PTBP2: variants seen among roughly 807,000 people sequenced by gnomAD.
The protein encoded by PTBP2 is polypyrimidine tract binding protein 2.
A neutral mutation model predicts 61.4 loss-of-function variants in PTBP2; 13 were observed. The observed-to-expected ratio is 0.21, with a 90% CI of 0.14 to 0.34. The LOEUF (loss-of-function observed/expected upper bound fraction) is 0.34. PTBP2 is among the 10% of genes least tolerant of loss of function. The probability of loss-of-function intolerance (pLI) is 1.00; values close to 1 mark genes in which losing one functional copy is unlikely to be tolerated. For missense variants in PTBP2, 405 were observed against 642.6 expected (o/e 0.63, Z 4.00); for synonymous variants, 215 against 218.5 (o/e 0.98, Z 0.14).
At chr1:96,804,502 T>C (rs1363519063) in intron 8 of PTBP2, among the ~76,000 whole-genome samples, 1 of 152,166 alleles carries the variant, frequency 6.6e-6, no homozygotes, top group East Asian at 1.9e-4. Flanking sequence ...GGAATTATAT[T>C]TTTCATGCTT....
At chr1:96,777,365 C>T (rs1219742623) in intron 5 of PTBP2, among the ~76,000 whole-genome samples, 1 of 152,006 alleles carries the variant, frequency 6.6e-6, no homozygotes, top group Non-Finnish European at 1.5e-5. Context: ...GATCCCAAAG[C>T]CTGGATAATT....
intron 8 of PTBP2, among the ~76,000 whole-genome samples, chr1:96,789,092 T>A (rs939273543): frequency 7.2e-5 from 11 of 152,060 alleles, no homozygotes; most frequent in African/African-American, 2.7e-4. Context: ...AAGGGGTAGA[T>A]CACTTTTAGA....
At chr1:96,727,072 T>C (rs1650667839) in intron 2 of PTBP2, among the ~76,000 whole-genome samples, 4 of 152,234 alleles carry the variant, frequency 2.6e-5, no homozygotes, top group African/African-American at 9.6e-5. Flanking sequence ...CTGCTTTTCT[T>C]TCCCCAAGGA....
At chr1:96,781,270 C>T (rs1290382835) in intron 7 of PTBP2, among the ~76,000 whole-genome samples, 1 of 151,980 alleles carries the variant, frequency 6.6e-6, no homozygotes, top group Non-Finnish European at 1.5e-5. Flanking sequence ...TCTTCCCCTA[C>T]CTCCATTATT....
At chr1:96,794,090 C>A (rs749774975) in intron 8 of PTBP2, among the ~76,000 whole-genome samples, 1 of 152,134 alleles carries the variant, frequency 6.6e-6, no homozygotes, top group Non-Finnish European at 1.5e-5. Context: ...TTATATTGTT[C>A]TCAGCTGTAG....
chr1:96,782,493 T>A (rs1285176450), intron 7 of PTBP2, among the ~76,000 whole-genome samples: 1 of 152,042 alleles, frequency 6.6e-6, no homozygotes, highest in Non-Finnish European at 1.5e-5. Context: ...ATATTTTACA[T>A]TCATATTAAT....
intron 5 of PTBP2, among the ~76,000 whole-genome samples, chr1:96,777,126 T>C (rs1333607169): frequency 6.6e-6 from 1 of 152,156 alleles, no homozygotes; most frequent in African/African-American, 2.4e-5. Context: ...TGAATGTTCC[T>C]ATTTTAAGAT....
intron 5 of PTBP2, among the ~76,000 whole-genome samples, chr1:96,773,331 A>G (rs905604244): frequency 6.6e-6 from 1 of 151,912 alleles, no homozygotes; most frequent in African/African-American, 2.4e-5. Context: ...ATGCTTTTAT[A>G]ATTTTATTTT....
At chr1:96,764,585 C>T (rs1656436133) in intron 3 of PTBP2, among the ~76,000 whole-genome samples, 1 of 152,152 alleles carries the variant, frequency 6.6e-6, no homozygotes, top group Admixed American at 6.5e-5. Flanking sequence ...TAAACCATTC[C>T]ATAGAGTCTG....
Position 96,814,803 on chromosome 1 carries a change from T to C in PTBP2, c.*1398T>C, listed in dbSNP as rs1662399527. 1 of 152,296 alleles carries C rather than the reference T, an allele frequency of 6.6e-6. No homozygotes were observed. Among genetic ancestry groups the C allele is most frequent in the African/African-American group, 2.4e-5 (1 of 41,358 alleles). 9.4% of individuals were successfully genotyped at this position (152,296 alleles called of 1,614,324 possible). A position where few individuals can be genotyped will look rare whatever the true frequency, so the allele number is the denominator to read the frequency against. On this transcript the variant is annotated 3_prime_UTR_variant, in exon 14 of 14. Transcript: ENST00000674951. ...TTAATTTTCTAACAAAGTTGGGAGG[T>C]TTGATGGTTGTTTAATTTCATTTTG... is the stretch of plus-strand genomic sequence containing the variant.
At chr1:96,800,916 A>T (rs1240376199) in intron 8 of PTBP2, among the ~76,000 whole-genome samples, 6 of 152,158 alleles carry the variant, frequency 3.9e-5, no homozygotes, top group South Asian at 2.1e-4. Flanking sequence ...ATTTCAAGAA[A>T]AAAAAAATGT....
At chr1:96,743,477 C>G (rs573932325) in intron 2 of PTBP2, among the ~76,000 whole-genome samples, 1 of 152,074 alleles carries the variant, frequency 6.6e-6, no homozygotes, top group African/African-American at 2.4e-5. Context: ...TATTACAGAG[C>G]GCATCATCCT....
chr1:96,770,841 C>A lies in PTBP2; in HGVS notation c.422C>A (p.Thr141Lys). The change falls in exon 5 of 14, where the codon ACA (threonine) becomes AAA (lysine). Residue 141 changes from threonine (T) to lysine (K), a missense_variant. Thr to Lys is a moderately conservative substitution (Grantham distance 78, BLOSUM62 -1). Transcript: ENST00000674951. ...CACAAAGAACTAAAGACAGATAATA[C>A]ATTAAACCAAGTAAGTATGTGTAGG... ...SNHKELKTDN[T>K]LNQRAQAVLQ... 6.4e-7 allele frequency: 1 copy of A among 1,573,640 alleles called. No individual in the cohort carries two copies. The highest frequency in any genetic ancestry group is 8.7e-7 in the Non-Finnish European group (1 of 1,143,810).
intron 8 of PTBP2, among the ~76,000 whole-genome samples, chr1:96,801,330 T>G (rs1020775264): frequency 1.3e-5 from 2 of 152,178 alleles, no homozygotes; most frequent in African/African-American, 4.8e-5. Flanking sequence ...TTTAAATTCC[T>G]TAGTAATTTT....
chr1:96,778,169 T>C (rs1361604646), intron 7 of PTBP2, among the ~76,000 whole-genome samples: 5 of 129,390 alleles, frequency 3.9e-5, no homozygotes, highest in Non-Finnish European at 5.3e-5. Flanking sequence ...TTATTTTACT[T>C]TTTTTTTTTT....
At chr1:96,809,359 A>T (rs141567769) in intron 11 of PTBP2, among the ~76,000 whole-genome samples, 1 of 152,230 alleles carries the variant, frequency 6.6e-6, no homozygotes, top group East Asian at 1.9e-4. Context: ...CACATACTAA[A>T]CCATAAAGCA....
intron 2 of PTBP2, among the ~76,000 whole-genome samples, chr1:96,746,416 G>C (rs1233020628): frequency 6.6e-6 from 1 of 152,026 alleles, no homozygotes; most frequent in Non-Finnish European, 1.5e-5. Flanking sequence ...TTATTAATGA[G>C]GTCTTACATC....
chr1:96,725,442 G>T (rs1272473037), intron 2 of PTBP2, among the ~76,000 whole-genome samples: 1 of 151,874 alleles, frequency 6.6e-6, no homozygotes, highest in African/African-American at 2.4e-5. Context: ...TGGGACTACA[G>T]GCGCCCACCA....
At chr1:96,821,285 AAC>A (rs1274682192) in exon 14 of PTBP2, 2 of 152,176 alleles carry the variant, frequency 1.3e-5, no homozygotes, top group Admixed American at 6.5e-5. Flanking sequence ...CATTGTGAAT[AAC>A]ACAGTGTATA....
Sources: gnomAD v4.1 joint callset for allele counts (sites outside exome capture counted in the v4.1 genomes callset) on GRCh38, gnomAD v4.1.1 for gene constraint, MANE v1.5 for transcripts, NCBI Gene and HGNC (gene_info 2026-07-23, HGNC 2026-07-21) for gene names.